NCR1: variants seen among roughly 807,000 people sequenced by gnomAD.
NCR1 encodes NK cell-activating receptor.
A neutral mutation model predicts 32.5 loss-of-function variants in NCR1; 30 were observed. The observed-to-expected ratio is 0.92, with a 90% CI of 0.69 to 1.25. NCR1 has a LOEUF of 1.25. NCR1 is among the 50% of genes most tolerant of loss of function. The pLI, the probability that NCR1 is intolerant of heterozygous loss-of-function variation, is 0.00. For synonymous variants in NCR1, 169 were observed against 143.4 expected (o/e 1.18, Z -1.28); for missense variants, 369 against 380.7 (o/e 0.97, Z 0.26).
At chr19:54,933,853 T>C in the NCR1 span, 1 of 915,360 alleles carries the variant, frequency 1.1e-6, no homozygotes, top group Non-Finnish European at 1.8e-6. Flanking sequence ...GTTCATCCCC[T>C]GCCCTCTGTC....
the NCR1 span, among the ~76,000 whole-genome samples, chr19:54,935,103 G>A: frequency 7.9e-5 from 12 of 152,230 alleles, 1 homozygote; most frequent in Middle Eastern, 0.01. Context: ...ATCTAATGTT[G>A]CCTCTGCTTC....
the NCR1 span, chr19:54,938,151 G>C: frequency 1.7e-5 from 28 of 1,613,962 alleles, no homozygotes; most frequent in Non-Finnish European, 2.2e-5. Context: ...TGAGGTTGCT[G>C]TTTGAGCTGA....
chr19:54,920,682 C>G (rs570049214), downstream of NCR1, among the ~76,000 whole-genome samples: 91 of 152,248 alleles, frequency 6.0e-4, 1 homozygote, highest in Non-Finnish European at 1.0e-3. Flanking sequence ...TTAAAATTAG[C>G]CAAGCATGTT....
chr19:54,929,455 A>C, the NCR1 span, among the ~76,000 whole-genome samples: 1 of 152,168 alleles, frequency 6.6e-6, no homozygotes, highest in Admixed American at 6.6e-5. Context: ...TTCTCTTTGC[A>C]TTAGGATTGC....
At position 54,910,082 on chromosome 19, in the gene NCR1, T is replaced by C. The variant is rs2067890344; in HGVS notation, c.682+17T>C. 6.2e-7 allele frequency: 1 copy of C among 1,612,780 alleles called. No homozygotes were observed. Among genetic ancestry groups the C allele is most frequent in the Non-Finnish European group, 8.5e-7 (1 of 1,179,106 alleles). On this transcript the variant is annotated intron_variant, in intron 5 of 6. Transcript: ENST00000291890. ...CCTTTCCTGGTGAGTAACTGGTCCT[T>C]CTAAGCTCAGACGAGCGATCAGAGC...
chr19:54,923,283 C>T, the NCR1 span, among the ~76,000 whole-genome samples: 7 of 152,154 alleles, frequency 4.6e-5, no homozygotes, highest in East Asian at 1.9e-4. Flanking sequence ...TTTGTCAATG[C>T]GTGGGTTGAT....
At chr19:54,926,852 G>T in the NCR1 span, among the ~76,000 whole-genome samples, 19 of 150,636 alleles carry the variant, frequency 1.3e-4, no homozygotes, top group Admixed American at 2.7e-4. Flanking sequence ...GGAGGCAGAG[G>T]TTGCACTGAG....
the NCR1 span, among the ~76,000 whole-genome samples, chr19:54,927,133 A>G: frequency 6.6e-6 from 1 of 150,504 alleles, no homozygotes; most frequent in Admixed American, 6.7e-5. Flanking sequence ...TCACCTCTGT[A>G]ATCCCACCAC....
chr19:54,904,614 C>A (rs1343842166), upstream of NCR1, among the ~76,000 whole-genome samples: 1 of 150,116 alleles, frequency 6.7e-6, no homozygotes, highest in African/African-American at 2.5e-5. Context: ...CTCACTGCAA[C>A]CTTCACCTTC....
chr19:54,931,557 A>G, the NCR1 span, among the ~76,000 whole-genome samples: 1 of 151,866 alleles, frequency 6.6e-6, no homozygotes, highest in South Asian at 2.1e-4. Flanking sequence ...GTGTGGTGGC[A>G]CATGCCTGTA....
chr19:54,913,091 T>C, downstream of NCR1: 1 of 450,666 alleles, frequency 2.2e-6, no homozygotes, highest in Non-Finnish European at 3.9e-6. Flanking sequence ...TTTCTCTTGT[T>C]GCCCAGGCTG....
At chr19:54,930,469 G>A in the NCR1 span, 1 of 1,514,242 alleles carries the variant, frequency 6.6e-7, no homozygotes, top group Non-Finnish European at 9.2e-7. Flanking sequence ...CTCAAAAAAA[G>A]AAAGAAAGAA....
chr19:54,929,461 A>T, the NCR1 span, among the ~76,000 whole-genome samples: 1 of 152,116 alleles, frequency 6.6e-6, no homozygotes, highest in African/African-American at 2.4e-5. Flanking sequence ...TTGCATTAGG[A>T]TTGCAGATTC....
chr19:54,932,907 A>G, the NCR1 span, among the ~76,000 whole-genome samples: 1 of 151,928 alleles, frequency 6.6e-6, no homozygotes. Flanking sequence ...ACCATTCACC[A>G]CCTGTTCCCC....
downstream of NCR1, among the ~76,000 whole-genome samples, chr19:54,914,901 G>A (rs997868434): frequency 5.9e-5 from 9 of 151,830 alleles, no homozygotes; most frequent in South Asian, 2.1e-4. Flanking sequence ...CACCACACCC[G>A]GTTAATTTTT....
chr19:54,916,967 T>G (rs2068149379), downstream of NCR1, among the ~76,000 whole-genome samples: 1 of 151,908 alleles, frequency 6.6e-6, no homozygotes, highest in African/African-American at 2.4e-5. Flanking sequence ...CTCCCCACAC[T>G]TCCTCTGAAG....
At chr19:54,911,620 C>T (rs587605378) in intron 5 of NCR1, among the ~76,000 whole-genome samples, 4 of 151,860 alleles carry the variant, frequency 2.6e-5, no homozygotes, top group South Asian at 2.1e-4. Flanking sequence ...GGTGTGGTGG[C>T]GCACGCCAGT....
At chr19:54,926,055 TC>T in the NCR1 span, among the ~76,000 whole-genome samples, 2 of 142,174 alleles carry the variant, frequency 1.4e-5, no homozygotes, top group East Asian at 4.3e-4. Context: ...AAAAAAAGAC[TC>T]CGTCTCAAAA....
the NCR1 span, chr19:54,927,460 G>T: frequency 1.4e-6 from 1 of 737,072 alleles, no homozygotes. Context: ...TGAGGCTGAG[G>T]CAGGAGAATT....
Sources: gnomAD v4.1 joint callset for allele counts (sites outside exome capture counted in the v4.1 genomes callset) on GRCh38, gnomAD v4.1.1 for gene constraint, MANE v1.5 for transcripts, NCBI Gene and HGNC (gene_info 2026-07-23, HGNC 2026-07-21) for gene names.